Variants in MEGF11 observed in about 807,000 individuals in gnomAD.
MEGF11 encodes multiple EGF like domains 11.
In MEGF11, 126 loss-of-function variants were observed where a neutral mutation model predicts 146.6. The observed-to-expected ratio is 0.86, with a 90% CI of 0.74 to 1.00. MEGF11 has a LOEUF of 1.00. Among genes scored for constraint, MEGF11 ranks in the 50% least tolerant of loss-of-function variants. The pLI is 0.00. For synonymous variants in MEGF11, 532 were observed against 583.4 expected (o/e 0.91, Z 1.27); for missense variants, 1,509 against 1,521.2 (o/e 0.99, Z 0.13).
intron 5 of MEGF11, among the ~76,000 whole-genome samples, chr15:66,084,784 C>T (rs773057631): frequency 2.6e-4 from 40 of 152,190 alleles, no homozygotes; most frequent in Non-Finnish European, 8.8e-5. Context: ...TTGAACGGGG[C>T]GAGAAGCCTC....
At chr15:66,104,830 C>T (rs568636093) in intron 4 of MEGF11, among the ~76,000 whole-genome samples, 5 of 152,254 alleles carry the variant, frequency 3.3e-5, no homozygotes, top group East Asian at 1.9e-4. Context: ...AAGCCTGAAG[C>T]GGGTGGCTCC....
chr15:65,939,207 T>C (rs1343257107), intron 10 of MEGF11, among the ~76,000 whole-genome samples: 1 of 152,194 alleles, frequency 6.6e-6, no homozygotes, highest in East Asian at 1.9e-4. Flanking sequence ...TCAGCAGAGA[T>C]CACTCTGGGA....
At chr15:66,087,980 G>C (rs996403924) in intron 5 of MEGF11, among the ~76,000 whole-genome samples, 1 of 152,046 alleles carries the variant, frequency 6.6e-6, no homozygotes, top group African/African-American at 2.4e-5. Context: ...ACAAAGAAAC[G>C]CAACAGGAGA....
chr15:65,919,471 A>G (rs1021625741), intron 15 of MEGF11, among the ~76,000 whole-genome samples: 1 of 152,214 alleles, frequency 6.6e-6, no homozygotes, highest in Admixed American at 6.5e-5. Flanking sequence ...ACTGTAGTCT[A>G]TTAAGTGTGC....
intron 13 of MEGF11, among the ~76,000 whole-genome samples, chr15:65,928,218 G>C (rs1364494349): frequency 6.6e-6 from 1 of 152,134 alleles, no homozygotes; most frequent in Non-Finnish European, 1.5e-5. Flanking sequence ...CCAGTGCCTT[G>C]GACAGAGCTT....
intron 5 of MEGF11, among the ~76,000 whole-genome samples, chr15:66,022,968 C>A (rs2083205385): frequency 6.6e-6 from 1 of 151,744 alleles, no homozygotes; most frequent in Non-Finnish European, 1.5e-5. Flanking sequence ...GCCTGACCAA[C>A]ATGGTGAAAC....
intron 4 of MEGF11, among the ~76,000 whole-genome samples, chr15:66,107,423 G>C (rs1567243798): frequency 6.6e-6 from 1 of 152,194 alleles, no homozygotes; most frequent in Non-Finnish European, 1.5e-5. Flanking sequence ...AAGGCGCTCA[G>C]CAAACCAGGA....
chr15:66,081,983 C>T (rs1349128735), intron 5 of MEGF11, among the ~76,000 whole-genome samples: 1 of 152,172 alleles, frequency 6.6e-6, no homozygotes, highest in East Asian at 1.9e-4. Context: ...CGTGAGAAGG[C>T]AGGCCCTCGC....
chr15:66,252,725 T>C (rs1229725945), intron 1 of MEGF11, among the ~76,000 whole-genome samples: 1 of 152,130 alleles, frequency 6.6e-6, no homozygotes, highest in East Asian at 1.9e-4. Context: ...TCTAACAAAT[T>C]AGGAAAATAA....
intron 5 of MEGF11, among the ~76,000 whole-genome samples, chr15:66,077,086 C>T (rs948955659): frequency 3.9e-5 from 6 of 152,236 alleles, no homozygotes; most frequent in Admixed American, 3.9e-4. Flanking sequence ...CCCATGCCCA[C>T]AGAATAATGC....
chr15:66,097,381 G>T lies in MEGF11; in HGVS notation c.302-2887C>A, dbSNP rs550492184. Among the ~76,000 whole-genome samples, 8 of 152,250 alleles carry T rather than the reference G, an allele frequency of 5.3e-5. No homozygotes were observed. The East Asian group carries it at 1.6e-3, about 30-fold the overall frequency. On this transcript the variant is annotated intron_variant, in intron 4 of 25. Transcript: ENST00000395614. ...GGCAGCCCATCTCCAGAGGCCTGGG[G>T]TTACTCAGCTGCTGCTCCTAGAGCG...
chr15:65,905,026 G>T (rs2078585719), intron 24 of MEGF11, among the ~76,000 whole-genome samples: 1 of 152,168 alleles, frequency 6.6e-6, no homozygotes. Flanking sequence ...CCAAGTAGCT[G>T]GGATTACAGG....
intron 4 of MEGF11, among the ~76,000 whole-genome samples, chr15:66,101,004 T>G (rs1597083617): frequency 1.1e-4 from 3 of 28,386 alleles, no homozygotes; most frequent in Non-Finnish European, 2.0e-4. Flanking sequence ...GGTGGGTGGA[T>G]GGGCACGTGG....
intron 9 of MEGF11, among the ~76,000 whole-genome samples, chr15:65,964,259 G>A (rs923532410): frequency 6.6e-6 from 1 of 152,292 alleles, no homozygotes; most frequent in Non-Finnish European, 1.5e-5. Context: ...GACAACTTCT[G>A]CCCGGATGTC....
chr15:66,157,378 A>G (rs1374802036), intron 1 of MEGF11, among the ~76,000 whole-genome samples: 2 of 152,226 alleles, frequency 1.3e-5, no homozygotes, highest in Non-Finnish European at 2.9e-5. Context: ...AGGGAGTGCA[A>G]GGTCCTGACC....
At chr15:65,994,075 C>A (rs189213673) in intron 5 of MEGF11, among the ~76,000 whole-genome samples, 11 of 152,310 alleles carry the variant, frequency 7.2e-5, no homozygotes, top group African/African-American at 2.6e-4. Flanking sequence ...GTGTTTTCGA[C>A]CTGGATCCTC....
At chr15:65,928,229 A>G (rs969904640) in intron 13 of MEGF11, among the ~76,000 whole-genome samples, 196 bp downstream of exon 13, 1 of 152,218 alleles carries the variant, frequency 6.6e-6, no homozygotes, top group Non-Finnish European at 1.5e-5. Flanking sequence ...GACAGAGCTT[A>G]TACCTAATAG....
intron 7 of MEGF11, among the ~76,000 whole-genome samples, chr15:65,979,112 G>C (rs1230419677): frequency 1.3e-5 from 2 of 152,154 alleles, no homozygotes; most frequent in African/African-American, 2.4e-5. Flanking sequence ...CTAGGGTTCT[G>C]TGAAACACAG....
At chr15:66,109,675 T>C (rs969622749) in intron 4 of MEGF11, among the ~76,000 whole-genome samples, 5 of 152,196 alleles carry the variant, frequency 3.3e-5, no homozygotes, top group African/African-American at 1.2e-4. Flanking sequence ...AGCTCCATCT[T>C]ACCCACTGCC....
Sources: gnomAD v4.1 joint callset for allele counts (sites outside exome capture counted in the v4.1 genomes callset) on GRCh38, gnomAD v4.1.1 for gene constraint, MANE v1.5 for transcripts, NCBI Gene and HGNC (gene_info 2026-07-23, HGNC 2026-07-21) for gene names.